Variants in SOX6 observed in about 807,000 individuals in gnomAD.
SOX6 encodes transcription factor SOX-6.
In SOX6, 11 loss-of-function variants were observed where a neutral mutation model predicts 97.8. The ratio of observed to expected loss-of-function variants is 0.11; its 90% CI spans 0.07 to 0.19. The LOEUF (loss-of-function observed/expected upper bound fraction) is 0.19, where lower values mean the gene tolerates loss of function less well. SOX6 is among the 10% of genes least tolerant of loss of function. The probability of loss-of-function intolerance (pLI) is 1.00; values close to 1 mark genes in which losing one functional copy is unlikely to be tolerated. For missense variants in SOX6, 810 were observed against 1,039.5 expected (o/e 0.78, Z 3.04); for synonymous variants, 360 against 371.4 (o/e 0.97, Z 0.35).
At chr11:16,332,058 A>C (rs542518499) in intron 2 of SOX6, among the ~76,000 whole-genome samples, 1 of 152,318 alleles carries the variant, frequency 6.6e-6, no homozygotes, top group African/African-American at 2.4e-5. Flanking sequence ...TTTACTGTTA[A>C]TTTCAGAAAG....
intron 1 of SOX6, among the ~76,000 whole-genome samples, chr11:16,383,603 C>A (rs1343674420): frequency 6.6e-6 from 1 of 151,828 alleles, no homozygotes. Context: ...TAGCACAGTG[C>A]CTAGCATATA....
intron 1 of SOX6, among the ~76,000 whole-genome samples, chr11:16,410,059 A>G (rs188875941): frequency 3.3e-5 from 5 of 152,256 alleles, no homozygotes; most frequent in African/African-American, 1.2e-4. Context: ...CAAAGTTGCA[A>G]TTAGGCAGGA....
At chr11:16,327,271 T>C (rs1590128199) in intron 2 of SOX6, among the ~76,000 whole-genome samples, 4 of 152,178 alleles carry the variant, frequency 2.6e-5, no homozygotes. Flanking sequence ...AAGCACTTAG[T>C]ATAATGCCTA....
intron 7 of SOX6, among the ~76,000 whole-genome samples, chr11:16,111,336 C>G (rs1395612003): frequency 6.6e-6 from 1 of 152,078 alleles, no homozygotes; most frequent in African/African-American, 2.4e-5. Flanking sequence ...AGATGAAAAT[C>G]AAAAACAATT....
intron 7 of SOX6, among the ~76,000 whole-genome samples, chr11:16,108,557 C>T (rs199504323): frequency 2.1e-5 from 3 of 141,210 alleles, no homozygotes; most frequent in African/African-American, 7.4e-5. Context: ...AGCAAAGCAA[C>T]CAAAAGTCTG....
chr11:15,979,685 G>T (rs1027879107), intron 15 of SOX6, among the ~76,000 whole-genome samples: 3 of 151,876 alleles, frequency 2.0e-5, no homozygotes, highest in African/African-American at 7.3e-5. Context: ...GCACAATCTC[G>T]CCTCAAAACC....
intron 9 of SOX6, among the ~76,000 whole-genome samples, chr11:16,081,609 A>G (rs1300666560): frequency 6.6e-6 from 1 of 152,126 alleles, no homozygotes; most frequent in African/African-American, 2.4e-5. Context: ...CAGCTCTTTG[A>G]AGGAATAATC....
At chr11:16,717,958 T>TC (rs1043303081) in intron 2 of SOX6, among the ~76,000 whole-genome samples, 13 of 151,542 alleles carry the variant, frequency 8.6e-5, no homozygotes, top group African/African-American at 3.1e-4. Context: ...TTTTTCTTTT[T>TC]TTTTTTTTTT....
chr11:16,166,007 T>C (rs1850878892), intron 6 of SOX6, among the ~76,000 whole-genome samples: 1 of 152,148 alleles, frequency 6.6e-6, no homozygotes, highest in Non-Finnish European at 1.5e-5. Context: ...ATATTAGCTA[T>C]GTATTTGAGC....
chr11:16,206,854 A>G (rs1280403511), intron 4 of SOX6, among the ~76,000 whole-genome samples: 2 of 152,190 alleles, frequency 1.3e-5, no homozygotes, highest in African/African-American at 4.8e-5. Flanking sequence ...AACCTCTGGA[A>G]AGTTGGAAAT....
chr11:16,171,115 C>T (rs1851025887), intron 6 of SOX6, among the ~76,000 whole-genome samples: 1 of 152,040 alleles, frequency 6.6e-6, no homozygotes, highest in Admixed American at 6.6e-5. Flanking sequence ...GTTACTCTAG[C>T]AAAGATAATC....
At chr11:16,580,831 C>G (rs185822121) in intron 4 of SOX6, among the ~76,000 whole-genome samples, 1 of 151,936 alleles carries the variant, frequency 6.6e-6, no homozygotes, top group Non-Finnish European at 1.5e-5. Flanking sequence ...ATGTGGCCAA[C>G]AACATATGAA....
intron 2 of SOX6, among the ~76,000 whole-genome samples, chr11:16,334,630 G>T (rs1414442395): frequency 6.6e-6 from 1 of 152,032 alleles, no homozygotes; most frequent in Non-Finnish European, 1.5e-5. Flanking sequence ...GTTTCACCAT[G>T]TTGGCCAAGC....
intron 2 of SOX6, among the ~76,000 whole-genome samples, chr11:16,336,510 T>C (rs529245801): frequency 6.6e-6 from 1 of 152,308 alleles, no homozygotes; most frequent in East Asian, 1.9e-4. Context: ...CTTCTGCTTA[T>C]CATCAATCAA....
chr11:16,022,329 T>TTTTTC lies in SOX6; in HGVS notation c.1624-7280_1624-7279insGAAAA. On this transcript the variant is annotated intron_variant, in intron 12 of 15. Coordinates refer to ENST00000683767, the MANE Select transcript of SOX6 (RefSeq NM_001367873.1). Reference sequence around the variant, plus strand: ...GTTTTTCCTTCCTTCCTTCCTTCCTTCTTTCCTTCCTTCCTTCCTTCCTTC... The same window carrying TTTTTC: ...GTTTTTCCTTCCTTCCTTCCTTCCTTTTTTCCTTTCCTTCCTTCCTTCCTTCCTTC... Among the ~76,000 whole-genome samples, 3 of 146,556 alleles carry TTTTTC rather than the reference T, an allele frequency of 2.0e-5. No individual in the cohort carries two copies. In the Admixed American group the frequency reaches 2.0e-4, roughly 10 times the overall value.
chr11:16,160,540 T>G (rs1850720890), intron 6 of SOX6, among the ~76,000 whole-genome samples: 1 of 152,196 alleles, frequency 6.6e-6, no homozygotes, highest in Non-Finnish European at 1.5e-5. Flanking sequence ...GTAAAATTAC[T>G]TTACGGGGTG....
chr11:16,340,905 T>G, intron 2 of SOX6, 107 bp downstream of exon 2: 1 of 1,485,224 alleles, frequency 6.7e-7, no homozygotes, highest in Non-Finnish European at 9.2e-7. Context: ...TTTCATGATC[T>G]ACACAAAAAT....
At chr11:16,318,200 A>G in intron 3 of SOX6, 1 of 521,730 alleles carries the variant, frequency 1.9e-6, no homozygotes, top group Non-Finnish European at 3.4e-6. Context: ...GGTCAGTTTA[A>G]AATCCTAATT....
At chr11:16,609,855 T>G (rs956031665) in intron 4 of SOX6, among the ~76,000 whole-genome samples, 2 of 152,182 alleles carry the variant, frequency 1.3e-5, no homozygotes, top group African/African-American at 2.4e-5. Flanking sequence ...TTGATGTTTT[T>G]GGGAGGAGTT....
Sources: gnomAD v4.1 joint callset for allele counts (sites outside exome capture counted in the v4.1 genomes callset) on GRCh38, gnomAD v4.1.1 for gene constraint, MANE v1.5 for transcripts, NCBI Gene and HGNC (gene_info 2026-07-23, HGNC 2026-07-21) for gene names.